Variants in CELF2 observed in about 807,000 individuals in gnomAD.
The protein encoded by CELF2 is CUGBP Elav-like family member 2.
A neutral mutation model predicts 62.6 loss-of-function variants in CELF2; 8 were observed. That is an observed-to-expected ratio of 0.13 (90% CI 0.07 to 0.23). The LOEUF (loss-of-function observed/expected upper bound fraction) is 0.23. Among genes scored for constraint, CELF2 ranks in the 10% least tolerant of loss-of-function variants. CELF2 has a pLI of 1.00. For synonymous variants in CELF2, 258 were observed against 250.0 expected, an observed-to-expected ratio of 1.03 and a Z score of -0.30; for missense variants, 333 against 671.0, an observed-to-expected ratio of 0.50 and a Z score of 5.56.
At chr10:10,515,837 A>G in the CELF2 span, among the ~76,000 whole-genome samples, 1 of 152,224 alleles carries the variant, frequency 6.6e-6, no homozygotes, top group South Asian at 2.1e-4. Flanking sequence ...TAAGATGCAC[A>G]TTATTTTTCG....
chr10:11,326,047 T>C (rs2095705675), intron 12 of CELF2, 68 bp downstream of exon 12: 6 of 1,482,836 alleles, frequency 4.0e-6, no homozygotes, highest in South Asian at 1.3e-5. Context: ...GGAAGGAAAA[T>C]GTGAGACAGT....
chr10:10,592,045 A>C, the CELF2 span, among the ~76,000 whole-genome samples: 2 of 152,244 alleles, frequency 1.3e-5, no homozygotes, highest in African/African-American at 4.8e-5. Context: ...CGTAATCAAC[A>C]TACTACTTTC....
Position 11,321,688 on chromosome 10 carries a change from CCT to C in CELF2, c.1294+310_1294+311del, listed in dbSNP as rs921331164. On this transcript the variant is annotated intron_variant, in intron 11 of 12. Coordinates refer to ENST00000633077, the MANE Select transcript of CELF2 (RefSeq NM_001326342.2). The surrounding 1 kb of genome is among the most constrained non-coding windows in gnomAD (Gnocchi z 6.2). ...TCCATTCGGGGAACACAGACATACC[CCT>C]CTCTCTCAAACAAAAGCAAAAACCT... 3.0e-4 allele frequency among the ~76,000 whole-genome samples: 45 copies of C among 152,180 alleles called. No individual in the cohort carries two copies. The highest frequency in any genetic ancestry group is 1.1e-3 in the African/African-American group (44 of 41,516).
the CELF2 span, among the ~76,000 whole-genome samples, chr10:10,596,257 A>T: frequency 3.4e-5 from 1 of 29,058 alleles, no homozygotes; most frequent in Non-Finnish European, 2.0e-4. Context: ...TTCTACCTGT[A>T]AAAAAAAAAA....
chr10:10,905,113 A>T (rs1413376668), intron 1 of CELF2, among the ~76,000 whole-genome samples: 2 of 152,242 alleles, frequency 1.3e-5, no homozygotes, highest in Non-Finnish European at 2.9e-5. Context: ...TGAAGAATGG[A>T]CATGATAATG....
the CELF2 span, among the ~76,000 whole-genome samples, chr10:10,483,937 GTCTCTC>G: frequency 8.1e-6 from 1 of 122,952 alleles, no homozygotes; most frequent in African/African-American, 3.2e-5. Context: ...ACTCTCTCTC[GTCTCTC>G]TCTCTCATCT....
chr10:10,630,328 C>T, the CELF2 span, among the ~76,000 whole-genome samples: 1 of 152,182 alleles, frequency 6.6e-6, no homozygotes, highest in Admixed American at 6.5e-5. Flanking sequence ...ACAATCTTTA[C>T]TGACTTTTTC....
intron 2 of CELF2, among the ~76,000 whole-genome samples, chr10:10,968,847 G>C (rs1171930014): frequency 6.6e-6 from 1 of 152,192 alleles, no homozygotes; most frequent in Non-Finnish European, 1.5e-5. Flanking sequence ...GGATAAAGTT[G>C]TTATTCATGA....
the CELF2 span, among the ~76,000 whole-genome samples, chr10:10,464,416 G>A: frequency 7.4e-6 from 1 of 135,892 alleles, no homozygotes; most frequent in African/African-American, 2.6e-5. Flanking sequence ...TCAAACCACA[G>A]TACTTGTCTT....
intron 1 of CELF2, among the ~76,000 whole-genome samples, chr10:10,818,077 A>T (rs1007970546): frequency 1.3e-5 from 2 of 152,192 alleles, no homozygotes; most frequent in Non-Finnish European, 2.9e-5. Context: ...CATAAAGCCA[A>T]ATATTTCTGA....
the CELF2 span, among the ~76,000 whole-genome samples, chr10:10,607,111 C>A: frequency 6.6e-6 from 1 of 152,148 alleles, no homozygotes; most frequent in Non-Finnish European, 1.5e-5. Flanking sequence ...GATCCTTGAC[C>A]AAGAGCAATT....
intron 2 of CELF2, among the ~76,000 whole-genome samples, chr10:10,925,637 G>T (rs998876303): frequency 2.0e-5 from 3 of 152,136 alleles, no homozygotes; most frequent in African/African-American, 7.2e-5. Flanking sequence ...TCTGATCAGA[G>T]GCAGTAAGGA....
At chr10:11,093,236 G>T (rs1192844039) in intron 1 of CELF2, among the ~76,000 whole-genome samples, 1 of 139,964 alleles carries the variant, frequency 7.1e-6, no homozygotes, top group Non-Finnish European at 1.5e-5. Context: ...TCTTGAGATG[G>T]TGTTTATTGG....
chr10:10,985,271 A>G (rs1194505260), intron 2 of CELF2, among the ~76,000 whole-genome samples: 1 of 152,068 alleles, frequency 6.6e-6, no homozygotes, highest in Non-Finnish European at 1.5e-5. Flanking sequence ...ATACACCCCC[A>G]CATTACATTT....
the CELF2 span, among the ~76,000 whole-genome samples, chr10:10,526,344 C>T: frequency 1.3e-5 from 2 of 152,200 alleles, no homozygotes; most frequent in African/African-American, 4.8e-5. Flanking sequence ...ATTAAAACTT[C>T]AGATAAAGTC....
chr10:10,571,903 A>G, the CELF2 span, among the ~76,000 whole-genome samples: 1 of 152,072 alleles, frequency 6.6e-6, no homozygotes, highest in Non-Finnish European at 1.5e-5. Flanking sequence ...CAAGACTTTA[A>G]TAAATAAAGA....
At chr10:10,819,090 A>C (rs1471978129) in intron 1 of CELF2, among the ~76,000 whole-genome samples, 1 of 152,154 alleles carries the variant, frequency 6.6e-6, no homozygotes, top group Non-Finnish European at 1.5e-5. Context: ...TTCTGGGTAA[A>C]TTCTTGACCT....
At chr10:10,652,056 C>T in the CELF2 span, among the ~76,000 whole-genome samples, 2 of 147,610 alleles carry the variant, frequency 1.4e-5, no homozygotes, top group African/African-American at 2.5e-5. Flanking sequence ...AACTAAGGCT[C>T]GAGAACTACG....
At chr10:11,087,074 GT>G (rs1346039650) in intron 1 of CELF2, among the ~76,000 whole-genome samples, 1 of 152,194 alleles carries the variant, frequency 6.6e-6, no homozygotes. Flanking sequence ...TCTAGATGGT[GT>G]TTGGGAAGAC....
Sources: allele counts gnomAD v4.1 joint callset (sites outside exome capture counted in the v4.1 genomes callset), GRCh38; gene constraint gnomAD v4.1.1; non-coding constraint Gnocchi (gnomAD v3.1); transcripts MANE v1.5; gene names NCBI Gene and HGNC (gene_info 2026-07-23, HGNC 2026-07-21).